PKD1L3: variants seen among roughly 807,000 people sequenced by gnomAD.
PKD1L3 encodes the protein polycystin-1-like protein 3.
In PKD1L3, 239 loss-of-function variants were observed where a neutral mutation model predicts 184.1. The ratio of observed to expected loss-of-function variants is 1.30; its 90% CI spans 1.17 to 1.45. The LOEUF (loss-of-function observed/expected upper bound fraction) is 1.45, where lower values mean the gene tolerates loss of function less well. Among genes scored for constraint, PKD1L3 ranks in the 40% most tolerant of loss-of-function variants. The pLI, the probability that PKD1L3 is intolerant of heterozygous loss-of-function variation, is 0.00. For missense variants in PKD1L3, 2,660 were observed against 2,067.2 expected (o/e 1.29, Z -5.56); for synonymous variants, 996 against 778.8 (o/e 1.28, Z -4.64).
At position 71,936,519 on chromosome 16, in the gene PKD1L3, C is replaced by CTTT. The variant is rs397785025; in HGVS notation, c.4452+770_4452+772dup. On this transcript the variant is annotated intron_variant, in intron 25 of 29. Transcript: ENST00000620267. Reference sequence around the variant, plus strand: ...TGCCTGGCCAATCACTTTTTTTTTTCTTTTTTTTTTTTTTTTTGAGATGCA... The same window carrying CTTT: ...TGCCTGGCCAATCACTTTTTTTTTTCTTTTTTTTTTTTTTTTTTTTGAGATGCA... Among the ~76,000 whole-genome samples the CTTT allele has an allele frequency of 1.6e-3, 197 of 123,494 alleles. 1 individual carries two copies. Among genetic ancestry groups the CTTT allele is most frequent in the Middle Eastern group, 5.0e-3 (1 of 202 alleles). The allele number at this position is 123,494 out of a possible 152,430, so 81.0% of individuals were successfully genotyped here. A position where few individuals can be genotyped will look rare whatever the true frequency, so the allele number is the denominator to read the frequency against.
In PKD1L3 at chr16:71,972,439, C is replaced by T. The variant is rs544751227; in HGVS notation, c.1953+885G>A. ...TCATCCTCCTCCTCCTCCTTCTGGC[C>T]TCCCAAAGTGCAGGAGGGAGGATTG... On this transcript the variant is annotated intron_variant, in intron 12 of 29. Coordinates refer to ENST00000620267, the MANE Select transcript of PKD1L3 (RefSeq NM_181536.2). Among the ~76,000 whole-genome samples, 3 of 151,952 alleles carry T rather than the reference C, an allele frequency of 2.0e-5. No homozygotes were observed. The East Asian group carries it at 5.8e-4, about 30-fold the overall frequency.
intron 24 of PKD1L3, among the ~76,000 whole-genome samples, chr16:71,942,247 T>C (rs1275389264): frequency 6.6e-6 from 1 of 152,090 alleles, no homozygotes; most frequent in East Asian, 1.9e-4. Flanking sequence ...CAGGGAGAAC[T>C]GCTTGAACCC....
rs761433874 is a variant in PKD1L3 at position 71,944,189 on chromosome 16, T to C, written c.3719-19A>G. The C allele has an allele frequency of 2.8e-5, 43 of 1,539,036 alleles. No individual in the cohort carries two copies. Among genetic ancestry groups the C allele is most frequent in the Admixed American group, 1.4e-4 (7 of 50,192 alleles). ...CATTTTGCTGTCAAAAATTCAAATATAGACCAAAGAAATGTTATATTTCAT... is the reference window on the plus strand; with the variant it reads ...CATTTTGCTGTCAAAAATTCAAATACAGACCAAAGAAATGTTATATTTCAT... On this transcript the variant is annotated intron_variant, in intron 22 of 29. Coordinates refer to ENST00000620267, the MANE Select transcript of PKD1L3 (RefSeq NM_181536.2).
rs144595520 is a variant in PKD1L3, at chr16:71,973,791, C to T, written c.1760-274G>A. 1.6e-4 allele frequency among the ~76,000 whole-genome samples: 24 copies of T among 152,152 alleles called. No homozygotes were observed. The East Asian group carries it at 4.6e-3, about 29-fold the overall frequency. On this transcript the variant is annotated intron_variant, in intron 11 of 29. Coordinates refer to ENST00000620267, the MANE Select transcript of PKD1L3 (RefSeq NM_181536.2). ...CTGATGCGGGCGGATCACTTGAGGTCAGGAGTTCGAGACCAGCCTGGTGAA... is the reference window on the plus strand; with the variant it reads ...CTGATGCGGGCGGATCACTTGAGGTTAGGAGTTCGAGACCAGCCTGGTGAA...
rs1396557397 is a variant in PKD1L3 at position 71,986,347 on chromosome 16, G to T, written c.708C>A (p.Thr236=). ...CAGCATGCGTGACAGACACGGGCAT[G>T]GTGAGCTGTGTTATCACAGGGAGAG... ...SQPLPVITQL[T]MPVSVTHAGQ... The change falls in exon 5 of 30, where the codon ACC becomes ACA. Residue 236 remains threonine, a synonymous_variant. Coordinates refer to ENST00000620267, the MANE Select transcript of PKD1L3 (RefSeq NM_181536.2). The T allele has an allele frequency of 6.4e-7, 1 of 1,551,458 alleles. No homozygotes were observed. The highest frequency in any genetic ancestry group is 8.7e-7 in the Non-Finnish European group (1 of 1,146,556).
In PKD1L3 at chr16:71,953,034, G is replaced by C. The variant is rs56041205; in HGVS notation, c.2869C>G (p.Leu957Val). 5.4e-3 allele frequency: 8,363 copies of C among 1,548,586 alleles called. 41 individuals carry two copies. The highest frequency in any genetic ancestry group is 5.3e-3 in the Non-Finnish European group (6,118 of 1,145,806). The change falls in exon 18 of 30, where the codon CTC (leucine) becomes GTC (valine). Residue 957 changes from leucine (L) to valine (V), a missense_variant. Coordinates refer to ENST00000620267, the MANE Select transcript of PKD1L3 (RefSeq NM_181536.2). ...CCTATGACAAGATTGATTGGGAAGA[G>C]GATGACAGCAGTATGGATGCTGACC... is the stretch of plus-strand genomic sequence containing the variant. ...LLVSIHTAVI[L>V]FPINLVIGRL...
chr16:71,948,803 T>TAAAAAAAAAAAAAAAAAAAA lies in PKD1L3; in HGVS notation c.3618+960_3618+979dup, dbSNP rs57129483. 2.5e-5 allele frequency among the ~76,000 whole-genome samples: 2 copies of TAAAAAAAAAAAAAAAAAAAA among 81,208 alleles called. 1 individual carries two copies. The allele number at this position is 81,208 out of a possible 152,430, so 53.3% of individuals were successfully genotyped here. On this transcript the variant is annotated intron_variant, in intron 21 of 29. Transcript: ENST00000620267. Reference sequence around the variant, plus strand: ...AATTTATATCTTAACTTACATATAGTAAAAAAAAAAAAAAAAAAAAAAGTC... The same window carrying TAAAAAAAAAAAAAAAAAAAA: ...AATTTATATCTTAACTTACATATAGTAAAAAAAAAAAAAAAAAAAAAAAAAAAAAAAAAAAAAAAAAAGTC...
At chr16:71,959,725 T>C (rs1387360040) in intron 16 of PKD1L3, among the ~76,000 whole-genome samples, 1 of 151,694 alleles carries the variant, frequency 6.6e-6, no homozygotes, top group Non-Finnish European at 1.5e-5. Flanking sequence ...ATAAAAAGAA[T>C]TAGAAGAGGA....
rs370868068 is a variant in PKD1L3, at chr16:71,969,964, C to T, written c.2095G>A (p.Val699Ile). The T allele has an allele frequency of 4.5e-5, 70 of 1,551,756 alleles. No homozygotes were observed. The Admixed American group carries it at 7.3e-4, about 16-fold the overall frequency. ...KLFLRVTNNP[V>I]GVSLLASLLG... is the part of the protein sequence containing the mutation. ...AGGCTGGCCAGCAGTGACACCCCAA[C>T]AGGATTGTTGGTCACGCGAAGGAAC... Residue 699 changes from valine (V) to isoleucine (I), a missense_variant, in exon 13 of 30, where the codon GTT (valine) becomes ATT (isoleucine). By Grantham distance (29) the Val-to-Ile change is conservative. Transcript: ENST00000620267.
At chr16:71,965,922 AC>A (rs1451934822) in intron 15 of PKD1L3, among the ~76,000 whole-genome samples, 23 of 152,154 alleles carry the variant, frequency 1.5e-4, no homozygotes, top group African/African-American at 4.8e-4. Flanking sequence ...TTTACTGATG[AC>A]TAACCAGGTT....
intron 9 of PKD1L3, among the ~76,000 whole-genome samples, chr16:71,979,383 G>T (rs1382514985): frequency 3.9e-5 from 6 of 152,196 alleles, no homozygotes; most frequent in African/African-American, 1.4e-4. Context: ...GGCAGAGGTT[G>T]CAGTGAGCCG....
At chr16:71,949,650 G>C (rs185674289) in intron 21 of PKD1L3, 133 bp downstream of exon 21, 5 of 831,424 alleles carry the variant, frequency 6.0e-6, no homozygotes, top group Non-Finnish European at 9.3e-6. Context: ...ACTACACCCA[G>C]CCTGGTTTGC....
chr16:71,952,178 G>A (rs1314530121), intron 18 of PKD1L3, among the ~76,000 whole-genome samples: 1 of 150,860 alleles, frequency 6.6e-6, no homozygotes, highest in African/African-American at 2.4e-5. Flanking sequence ...CCACTGCGTG[G>A]GGAAAGGGAG....
intron 24 of PKD1L3, 46 bp from the exon 25 acceptor site, chr16:71,937,465 G>T: frequency 6.5e-7 from 1 of 1,532,994 alleles, no homozygotes. Context: ...TAAAACTTTT[G>T]CCCTCTTCTT....
intron 7 of PKD1L3, among the ~76,000 whole-genome samples, chr16:71,981,245 G>C (rs1031958337): frequency 6.6e-6 from 1 of 152,170 alleles, no homozygotes; most frequent in Non-Finnish European, 1.5e-5. Context: ...GTAGACACTA[G>C]GAGTAGAATT....
intron 13 of PKD1L3, among the ~76,000 whole-genome samples, chr16:71,969,611 T>C (rs914750647): frequency 5.3e-5 from 8 of 151,770 alleles, no homozygotes; most frequent in Admixed American, 5.3e-4. Flanking sequence ...TACACCTGGC[T>C]AGTGTTTTCT....
chr16:72,000,183 G>C lies in PKD1L3; in HGVS notation c.-205C>G, dbSNP rs903097343. Among the ~76,000 whole-genome samples, 31 of 152,186 alleles carry C rather than the reference G, an allele frequency of 2.0e-4. No individual in the cohort carries two copies. The highest frequency in any genetic ancestry group is 4.4e-5 in the Non-Finnish European group (3 of 68,006). ...AATAGCAGAGATCAATAAAACAATGGCCCTTTTTATCTGGGGCCCCACCAT... is the reference window on the plus strand; with the variant it reads ...AATAGCAGAGATCAATAAAACAATGCCCCTTTTTATCTGGGGCCCCACCAT... On this transcript the variant is annotated 5_prime_UTR_variant, in exon 1 of 30. Coordinates refer to ENST00000620267, the MANE Select transcript of PKD1L3 (RefSeq NM_181536.2).
At position 71,967,258 on chromosome 16, in the gene PKD1L3, G is replaced by C; in HGVS notation, c.2344C>G (p.Pro782Ala). 1 of 1,551,640 alleles carries C rather than the reference G, an allele frequency of 6.4e-7. No individual in the cohort carries two copies. Among genetic ancestry groups the C allele is most frequent in the Non-Finnish European group, 8.7e-7 (1 of 1,146,946 alleles). Residue 782 changes from proline (P) to alanine (A), a missense_variant, in exon 15 of 30, where the codon CCC (proline) becomes GCC (alanine). Physicochemically the swap from Pro to Ala is conservative, Grantham distance 27. Transcript: ENST00000620267. ...GRSEPHHLCDPQKTVFERGGL... is the reference protein window; with the variant it reads ...GRSEPHHLCDAQKTVFERGGL... ...CCTCGTTCAAAGACTGTCTTCTGGG[G>C]GTCACAGAGGTGATGGGGCTCACTC... is the stretch of plus-strand genomic sequence containing the variant.
In PKD1L3 at chr16:71,986,349, T is replaced by G; in HGVS notation, c.706A>C (p.Thr236Pro). ...SQPLPVITQL[T>P]MPVSVTHAGQ... ...GCATGCGTGACAGACACGGGCATGG[T>G]GAGCTGTGTTATCACAGGGAGAGGC... The change falls in exon 5 of 30, where the codon ACC becomes CCC. Residue 236 changes from threonine (T) to proline (P), a missense_variant. Coordinates refer to ENST00000620267, the MANE Select transcript of PKD1L3 (RefSeq NM_181536.2). 6.4e-7 allele frequency: 1 copy of G among 1,551,406 alleles called. No individual in the cohort carries two copies. Among genetic ancestry groups the G allele is most frequent in the Non-Finnish European group, 8.7e-7 (1 of 1,146,540 alleles).
Sources: allele counts gnomAD v4.1 joint callset (sites outside exome capture counted in the v4.1 genomes callset), GRCh38; gene constraint gnomAD v4.1.1; transcripts MANE v1.5; gene names NCBI Gene and HGNC (gene_info 2026-07-23, HGNC 2026-07-21).